CCNL2: variants seen among roughly 807,000 people sequenced by gnomAD.
CCNL2 encodes the protein cyclin-L2.
CCNL2 carries 28 observed loss-of-function variants against 59.1 expected under a neutral mutation model. That is an observed-to-expected ratio of 0.47 (90% confidence interval 0.35 to 0.65). The LOEUF is 0.65. Ranked by LOEUF, CCNL2 falls within the 30% of genes least tolerant of loss-of-function variation. The pLI is 0.00. For missense variants in CCNL2, 714 were observed against 717.4 expected (o/e 1.00, Z 0.05); for synonymous variants, 342 against 288.6 (o/e 1.19, Z -1.88).
In CCNL2 at chr1:1,399,277, A is replaced by T; in HGVS notation, c.30T>A (p.Ala10=). 1 of 1,494,372 alleles carries T rather than the reference A, an allele frequency of 6.7e-7. No homozygotes were observed. Among genetic ancestry groups the T allele is most frequent in the African/African-American group, 1.5e-5 (1 of 67,904 alleles). 92.6% of individuals were successfully genotyped at this position (1,494,372 alleles called of 1,614,324 possible). A position where few individuals can be genotyped will look rare whatever the true frequency, so the allele number is the denominator to read the frequency against. The change falls in exon 1 of 11, where the codon GCT becomes GCA. Residue 10 remains alanine, a synonymous_variant. Transcript: ENST00000400809. MAAAAAAAG[A]AGSAAPAAAA... ...CTGCCGCGGGAGCTGCCGACCCTGCAGCACCAGCCGCCGCCGCCGCCGCCG... is the reference window on the plus strand; with the variant it reads ...CTGCCGCGGGAGCTGCCGACCCTGCTGCACCAGCCGCCGCCGCCGCCGCCG...
At chr1:1,388,608 C>A (rs1057268020) in intron 8 of CCNL2, 2 of 415,406 alleles carry the variant, frequency 4.8e-6, no homozygotes, top group African/African-American at 2.1e-5. Context: ...CATAGACACA[C>A]ACTCACACAC....
intron 2 of CCNL2, 98 bp from the exon 3 acceptor site, chr1:1,398,440 T>A: frequency 1.5e-5 from 23 of 1,580,572 alleles, no homozygotes; most frequent in Non-Finnish European, 2.0e-5. Context: ...AAAAGGGAGG[T>A]GCACCCAGGG....
chr1:1,390,674 A>G, intron 6 of CCNL2, 92 bp downstream of exon 6: 1 of 1,481,880 alleles, frequency 6.7e-7, no homozygotes, highest in Non-Finnish European at 9.4e-7. Context: ...GGCCCAGATT[A>G]GAGTAATTTG....
chr1:1,398,698 T>C (rs368748894), intron 1 of CCNL2, 27 bp from the exon 2 acceptor site: 2 of 1,601,508 alleles, frequency 1.2e-6, no homozygotes, highest in Non-Finnish European at 1.7e-6. Flanking sequence ...TTTCCGTATT[T>C]TCAAACGCAC....
chr1:1,398,009 C>A (rs1557736894), intron 3 of CCNL2, among the ~76,000 whole-genome samples: 1 of 152,204 alleles, frequency 6.6e-6, no homozygotes, highest in Non-Finnish European at 1.5e-5. Context: ...CCCAGCGCGA[C>A]CCGCCACAGC....
intron 5 of CCNL2, chr1:1,392,899 T>A: frequency 8.0e-7 from 1 of 1,246,990 alleles, no homozygotes; most frequent in Admixed American, 2.0e-5. Flanking sequence ...AATATGACCC[T>A]TACAGACTTA....
chr1:1,394,936 A>G (rs1644938177), intron 4 of CCNL2, among the ~76,000 whole-genome samples: 1 of 152,094 alleles, frequency 6.6e-6, no homozygotes, highest in South Asian at 2.1e-4. Flanking sequence ...ACGTGCCTGT[A>G]GTGCCAGCTA....
chr1:1,394,732 A>G (rs1236688852), intron 4 of CCNL2, among the ~76,000 whole-genome samples: 1 of 140,638 alleles, frequency 7.1e-6, no homozygotes, highest in Non-Finnish European at 1.5e-5. Context: ...CCTGCATGAC[A>G]GAGTAAGACT....
chr1:1,395,688 C>T (rs1644980274), intron 3 of CCNL2, among the ~76,000 whole-genome samples, 174 bp from the exon 4 acceptor site: 1 of 152,158 alleles, frequency 6.6e-6, no homozygotes, highest in South Asian at 2.1e-4. Context: ...AGCCCAGTGC[C>T]AACCTCCTCA....
chr1:1,395,443 C>A lies in CCNL2; in HGVS notation c.545G>T (p.Arg182Leu), dbSNP rs778868322. The change falls in exon 4 of 11, where the codon CGA (arginine) becomes CTA (leucine). Residue 182 changes from arginine to leucine, a missense_variant. Arg to Leu is a moderately radical substitution (Grantham distance 102). Coordinates refer to ENST00000400809, the MANE Select transcript of CCNL2 (RefSeq NM_030937.6). ...GCAGAAACCCAACTCTTTGAGAACT[C>A]GTCTTTCCGCCTTTATAATTTGGTT... ...LKNQIIKAER[R>L]VLKELGFCVH... 6.2e-7 allele frequency: 1 copy of A among 1,614,026 alleles called. No individual in the cohort carries two copies. The highest frequency in any genetic ancestry group is 1.3e-5 in the African/African-American group (1 of 74,918).
Position 1,393,687 on chromosome 1 carries a change from C to G in CCNL2, c.595-227G>C, listed in dbSNP as rs1251638067. Among the ~76,000 whole-genome samples the G allele has an allele frequency of 2.0e-5, 3 of 152,262 alleles. No individual in the cohort carries two copies. The East Asian group carries it at 5.8e-4, about 29-fold the overall frequency. On this transcript the variant is annotated intron_variant, in intron 4 of 10. Coordinates refer to ENST00000400809, the MANE Select transcript of CCNL2 (RefSeq NM_030937.6). ...CCCGTGAGCCCAGCCACACAACCCA[C>G]GGCACAGGCCTCGTTCTTCATGGGG...
At chr1:1,392,524 A>G in intron 5 of CCNL2, 2 of 1,332,386 alleles carry the variant, frequency 1.5e-6, no homozygotes, top group Non-Finnish European at 1.9e-6. Flanking sequence ...CATCTTTATC[A>G]TACAGGTACA....
At chr1:1,391,466 G>A in intron 5 of CCNL2, 3 of 1,264,048 alleles carry the variant, frequency 2.4e-6, no homozygotes, top group Non-Finnish European at 1.0e-6. Context: ...CCCCTTGGGT[G>A]CAAGTTGGAC....
intron 4 of CCNL2, among the ~76,000 whole-genome samples, chr1:1,393,787 A>C (rs1248047680): frequency 2.6e-5 from 4 of 152,198 alleles, no homozygotes; most frequent in Non-Finnish European, 4.4e-5. Flanking sequence ...TATCCCAGTT[A>C]ACAACTCACC....
intron 3 of CCNL2, 36 bp downstream of exon 3, chr1:1,398,197 C>T: frequency 2.5e-6 from 4 of 1,585,538 alleles, no homozygotes; most frequent in Non-Finnish European, 3.5e-6. Flanking sequence ...AGAAAATAGG[C>T]ATCTATGATA....
chr1:1,387,788 A>T lies in CCNL2; in HGVS notation c.1200T>A (p.Ser400=). ...CCTGAGGCACACACCTCCTCTTAGG[A>T]GACGCTGATCGGGATGGGGACCTCG... ...SYSRSPSRSA[S]PKRRKSDSGS... is the part of the protein sequence containing the mutation. Residue 400 remains serine, a synonymous_variant, in exon 10 of 11, where the codon TCT becomes TCA. Coordinates refer to ENST00000400809, the MANE Select transcript of CCNL2 (RefSeq NM_030937.6). The T allele has an allele frequency of 6.2e-7, 1 of 1,612,306 alleles. No homozygotes were observed. Among genetic ancestry groups the T allele is most frequent in the Non-Finnish European group, 8.5e-7 (1 of 1,179,384 alleles).
rs564648397 is a variant in CCNL2, at chr1:1,390,487, T to G, written c.836A>C (p.Lys279Thr). 2 of 1,613,926 alleles carry G rather than the reference T, an allele frequency of 1.2e-6. No homozygotes were observed. The highest frequency in any genetic ancestry group is 4.5e-5 in the East Asian group (2 of 44,890). ...TTTCCGAGCATAAAGCTGCAAGATC[T>G]TTAAGCAGATTTCCTGAATTTCTTC... ...TEEEIQEICL[K>T]ILQLYARKKV... The change falls in exon 7 of 11, where the codon AAG becomes ACG. Residue 279 changes from lysine to threonine, a missense_variant. Physicochemically the swap from Lys to Thr is moderately conservative, Grantham distance 78 (BLOSUM62 -1). Transcript: ENST00000400809.
Position 1,397,867 on chromosome 1 carries a change from A to G in CCNL2, c.473+366T>C, listed in dbSNP as rs563503691. On this transcript the variant is annotated intron_variant, in intron 3 of 10. Transcript: ENST00000400809. ...ACAACAGGAAACCTGTCTCAGGAGGAAAAAAAAGATTATCCAGCCTGAATG... is the reference window on the plus strand; with the variant it reads ...ACAACAGGAAACCTGTCTCAGGAGGGAAAAAAAGATTATCCAGCCTGAATG... Among the ~76,000 whole-genome samples, 55 of 152,192 alleles carry G rather than the reference A, an allele frequency of 3.6e-4. No homozygotes were observed. In the Middle Eastern group the frequency reaches 0.014, roughly 38 times the overall value.
intron 5 of CCNL2, 200 bp from the exon 6 acceptor site, chr1:1,391,065 A>G (rs997150564): frequency 9.9e-7 from 1 of 1,013,450 alleles, no homozygotes; most frequent in Non-Finnish European, 1.3e-6. Flanking sequence ...CAGTAAATAC[A>G]GGACAGAAAG....
Sources: gnomAD v4.1 joint callset for allele counts (sites outside exome capture counted in the v4.1 genomes callset) on GRCh38, gnomAD v4.1.1 for gene constraint, MANE v1.5 for transcripts, NCBI Gene and HGNC (gene_info 2026-07-23, HGNC 2026-07-21) for gene names.